The following BSN variants were observed in gnomAD, a reference collection of about 807,000 sequenced individuals.
The protein encoded by BSN is bassoon presynaptic cytomatrix protein, also known as protein bassoon.
Under a neutral mutation model 264.8 loss-of-function variants are expected in BSN, and 57 were observed. The ratio of observed to expected loss-of-function variants is 0.22; its 90% confidence interval spans 0.17 to 0.27. BSN has a LOEUF of 0.27. Among genes scored for constraint, BSN ranks in the 10% least tolerant of loss-of-function variants. The probability of loss-of-function intolerance (pLI) is 1.00; values close to 1 mark genes in which losing one functional copy is unlikely to be tolerated. For missense variants in BSN, 4,615 were observed against 5,232.5 expected (o/e 0.88, Z 3.64); for synonymous variants, 2,059 against 2,137.3 (o/e 0.96, Z 1.01).
intron 1 of BSN, among the ~76,000 whole-genome samples, chr3:49,613,303 C>CGAGCGAGAGAGAGAGAGAGAGAGAGA (rs1553662875): frequency 1.1e-4 from 5 of 47,346 alleles, no homozygotes; most frequent in African/African-American, 3.5e-4. Flanking sequence ...ACACACAGAG[C>CGAGCGAGAGAGAGAGAGAGAGAGAGA]GAGAGAGAGA....
At position 49,642,816 on chromosome 3, in the gene BSN, G is replaced by C. The variant is rs377183354; in HGVS notation, c.1182G>C (p.Glu394Asp). 2.5e-6 allele frequency: 4 copies of C among 1,613,020 alleles called. No individual in the cohort carries two copies. The South Asian group carries it at 4.4e-5, about 18-fold the overall frequency. The change falls in exon 3 of 12, where the codon GAG becomes GAC. Residue 394 changes from glutamate to aspartate, a missense_variant. Glu to Asp is a conservative substitution (Grantham distance 45). Around this residue, in one of 3 missense-constraint regions of BSN, gnomAD observed 1,197 missense variants for 1,348.0 expected, o/e 0.89. Transcript: ENST00000296452. The surrounding 1 kb of genome is among the most constrained non-coding windows in gnomAD (Gnocchi z 7.0). ...PKIVFNDASK[E>D]AGPKPLGSGP... ...TCGTCTTCAATGATGCCAGCAAGGAGGCTGGCCCAAAACCCTTGGGCTCAG... is the reference window on the plus strand; with the variant it reads ...TCGTCTTCAATGATGCCAGCAAGGACGCTGGCCCAAAACCCTTGGGCTCAG...
chr3:49,627,818 C>T (rs2052352748), intron 2 of BSN, among the ~76,000 whole-genome samples: 1 of 152,200 alleles, frequency 6.6e-6, no homozygotes, highest in African/African-American at 2.4e-5. Context: ...CAGTTCCTCA[C>T]TTCCCAGGAG....
chr3:49,626,182 T>C (rs1310713915), intron 2 of BSN, among the ~76,000 whole-genome samples: 2 of 152,174 alleles, frequency 1.3e-5, no homozygotes, highest in African/African-American at 4.8e-5. Context: ...GCCATCGCTT[T>C]AAAATGAACA....
At chr3:49,647,410 C>T (rs915825718) in intron 3 of BSN, among the ~76,000 whole-genome samples, 1 of 152,200 alleles carries the variant, frequency 6.6e-6, no homozygotes, top group African/African-American at 2.4e-5. Context: ...TATCTTCCTG[C>T]CCTAGAAAGG....
chr3:49,656,340 C>T lies in BSN; in HGVS notation c.6784C>T (p.Pro2262Ser), dbSNP rs867311940. ...PLGPTGLYRY[P>S]APSRFPIASS... ...TGGACCCACAGGGCTGTACCGCTAT[C>T]CTGCACCAAGTAGATTTCCCATTGC... Residue 2262 changes from proline to serine, a missense_variant, in exon 5 of 12, where the codon CCT becomes TCT. Pro to Ser is a moderately conservative substitution (Grantham distance 74, BLOSUM62 -1). Transcript: ENST00000296452. The T allele has an allele frequency of 2.5e-6, 4 of 1,610,548 alleles. No homozygotes were observed. The African/African-American group carries it at 4.0e-5, about 16-fold the overall frequency.
At chr3:49,595,512 G>C (rs2052016467) in intron 1 of BSN, among the ~76,000 whole-genome samples, 1 of 150,626 alleles carries the variant, frequency 6.6e-6, no homozygotes, top group Non-Finnish European at 1.5e-5. Flanking sequence ...TTTTTAAAGA[G>C]ACAGTGTCTT....
rs771716961 is a variant in BSN at position 49,660,974 on chromosome 3, C to T, written c.9129C>T (p.Ala3043=). 3.0e-5 allele frequency: 48 copies of T among 1,611,672 alleles called. No homozygotes were observed. The highest frequency in any genetic ancestry group is 3.9e-5 in the Non-Finnish European group (46 of 1,179,988). ...VDFPATAAAP[A]TPSGPTAFQQ... ...TCCCTGCCACTGCCGCTGCTCCTGC[C>T]ACCCCCTCTGGTCCCACTGCCTTCC... The change falls in exon 6 of 12, where the codon GCC becomes GCT. Residue 3043 remains alanine (A), a synonymous_variant. Transcript: ENST00000296452. The surrounding 1 kb of genome is among the most constrained non-coding windows in gnomAD (Gnocchi z 7.1).
At chr3:49,647,727 G>T (rs1006160211) in intron 3 of BSN, among the ~76,000 whole-genome samples, 1 of 152,124 alleles carries the variant, frequency 6.6e-6, no homozygotes, top group African/African-American at 2.4e-5. Flanking sequence ...AAGGAATTGG[G>T]ACCCCAGCTG....
At chr3:49,600,770 C>T (rs756582791) in intron 1 of BSN, among the ~76,000 whole-genome samples, 5 of 152,030 alleles carry the variant, frequency 3.3e-5, no homozygotes, top group Non-Finnish European at 7.4e-5. Flanking sequence ...TGTCACTGCA[C>T]TCCAGTCTGG....
rs1257334414 is a variant in BSN at position 49,624,824 on chromosome 3, A to C, written c.225-151A>C. ...GGAGATGCTTGTCAAGGCTCAGCAC[A>C]GGACACAGCAAATGAGGGCCATGAT... is the stretch of plus-strand genomic sequence containing the variant. On this transcript the variant is annotated intron_variant, in intron 1 of 11. Transcript: ENST00000296452. 4.4e-6 allele frequency: 3 copies of C among 689,002 alleles called. No homozygotes were observed. In the African/African-American group the frequency reaches 5.5e-5, roughly 13 times the overall value. The allele number at this position is 689,002 out of a possible 1,614,324, so 42.7% of individuals were successfully genotyped here.
chr3:49,611,311 T>C (rs1277624260), intron 1 of BSN, among the ~76,000 whole-genome samples: 1 of 152,244 alleles, frequency 6.6e-6, no homozygotes, highest in African/African-American at 2.4e-5. Context: ...CTGGCTCAGC[T>C]TTATGTAATG....
chr3:49,570,542 C>G (rs1340829985), intron 1 of BSN, among the ~76,000 whole-genome samples: 1 of 152,176 alleles, frequency 6.6e-6, no homozygotes, highest in Non-Finnish European at 1.5e-5. Flanking sequence ...CTGTGCTGTC[C>G]CTACTCAGGC....
intron 2 of BSN, among the ~76,000 whole-genome samples, chr3:49,634,881 A>G (rs1380257208): frequency 6.6e-6 from 1 of 152,182 alleles, no homozygotes; most frequent in African/African-American, 2.4e-5. Context: ...ATACACATAC[A>G]CACACATATA....
Position 49,625,612 on chromosome 3 carries a change from A to C in BSN, c.633+229A>C, listed in dbSNP as rs1481765541. 1.3e-5 allele frequency among the ~76,000 whole-genome samples: 2 copies of C among 152,238 alleles called. No homozygotes were observed. Among genetic ancestry groups the C allele is most frequent in the African/African-American group, 4.8e-5 (2 of 41,464 alleles). On this transcript the variant is annotated intron_variant, in intron 2 of 11. Transcript: ENST00000296452. The surrounding 1 kb of genome is among the most constrained non-coding windows in gnomAD (Gnocchi z 4.4). ...CTGCATCCCCTGAAAGCTTGGGTAG[A>C]GTCTGAGAGTAGAAGATACTTTCTA...
chr3:49,657,774 A>C lies in BSN; in HGVS notation c.8218A>C (p.Ile2740Leu). Reference sequence around the variant, plus strand: ...GCCGCAGCTTGTAGGGCCAACTGCCATCAGCCCCTACCTGCCTGGCATCCA... The same window carrying C: ...GCCGCAGCTTGTAGGGCCAACTGCCCTCAGCCCCTACCTGCCTGGCATCCA... ...AGPQLVGPTA[I>L]SPYLPGIQIV... Residue 2740 changes from isoleucine (I) to leucine (L), a missense_variant, in exon 5 of 12, where the codon ATC (isoleucine) becomes CTC (leucine). This residue lies in a region of BSN where 3,415 missense variants were observed against 3,866.4 expected (regional missense o/e 0.88). Coordinates refer to ENST00000296452, the MANE Select transcript of BSN (RefSeq NM_003458.4). 6.4e-7 allele frequency: 1 copy of C among 1,558,888 alleles called. No individual in the cohort carries two copies. Among genetic ancestry groups the C allele is most frequent in the Non-Finnish European group, 8.7e-7 (1 of 1,150,630 alleles).
downstream of BSN, among the ~76,000 whole-genome samples, chr3:49,673,103 T>TTTTTTTTTTTTTTTTTTTTG (rs2052850032): frequency 7.4e-6 from 1 of 134,564 alleles, no homozygotes; most frequent in Non-Finnish European, 1.6e-5. Flanking sequence ...TTTTTTTTTT[T>TTTTTTTTTTTTTTTTTTTTG]TTTTTTTTTT....
chr3:49,564,628 C>T (rs961229252), intron 1 of BSN, among the ~76,000 whole-genome samples: 1 of 152,184 alleles, frequency 6.6e-6, no homozygotes, highest in Non-Finnish European at 1.5e-5. Flanking sequence ...GCCTTGCCAG[C>T]TCAGGTTTGG....
rs748651948 is a variant in BSN, at chr3:49,656,111, C to T, written c.6555C>T (p.Ala2185=). Reference sequence around the variant, plus strand: ...TCAGACAGCTGCTGCCGTCCACAGCCACTGTACGTGCAGCTGATGGCATGA... The same window carrying T: ...TCAGACAGCTGCTGCCGTCCACAGCTACTGTACGTGCAGCTGATGGCATGA... ...TAVRQLLPST[A]TVRAADGMIY... Residue 2185 remains alanine, a synonymous_variant, in exon 5 of 12, where the codon GCC becomes GCT. Coordinates refer to ENST00000296452, the MANE Select transcript of BSN (RefSeq NM_003458.4). 7 of 1,612,808 alleles carry T rather than the reference C, an allele frequency of 4.3e-6. No homozygotes were observed. In the South Asian group the frequency reaches 5.5e-5, roughly 13 times the overall value.
In BSN at chr3:49,652,591, G is replaced by A. The variant is rs368815355; in HGVS notation, c.3035G>A (p.Arg1012His). 6.0e-5 allele frequency: 97 copies of A among 1,613,304 alleles called. No individual in the cohort carries two copies. The highest frequency in any genetic ancestry group is 7.9e-5 in the Non-Finnish European group (93 of 1,179,930). Residue 1012 changes from arginine (R) to histidine (H), a missense_variant, in exon 5 of 12, where the codon CGC (arginine) becomes CAC (histidine). Transcript: ENST00000296452. ...GAGGACAGTGACAGCAGCCCCAGCCGCAGGCAGCGTCTAGAAGAAGCAAAG... is the reference window on the plus strand; with the variant it reads ...GAGGACAGTGACAGCAGCCCCAGCCACAGGCAGCGTCTAGAAGAAGCAAAG... Reference protein sequence around the residue: ...LEEDSDSSPSRRQRLEEAKQQ... With the variant: ...LEEDSDSSPSHRQRLEEAKQQ...
Sources: allele counts gnomAD v4.1 joint callset (sites outside exome capture counted in the v4.1 genomes callset), GRCh38; gene constraint gnomAD v4.1.1; regional missense constraint gnomAD v4.1.1; non-coding constraint Gnocchi (gnomAD v3.1); transcripts MANE v1.5; gene names NCBI Gene and HGNC (gene_info 2026-07-23, HGNC 2026-07-21).